The following GATA4 variants were observed in gnomAD, a reference collection of about 807,000 sequenced individuals.
GATA4 encodes transcription factor GATA-4.
GATA4 carries 7 observed loss-of-function variants against 37.9 expected under a neutral mutation model. The observed-to-expected ratio is 0.18, with a 90% confidence interval of 0.11 to 0.35. The LOEUF (loss-of-function observed/expected upper bound fraction) is 0.35, where lower values mean the gene tolerates loss of function less well. GATA4 is among the 10% of genes least tolerant of loss of function. The pLI is 1.00. For missense variants in GATA4, 647 were observed against 653.0 expected (o/e 0.99, Z 0.10); for synonymous variants, 372 against 292.6 (o/e 1.27, Z -2.77).
chr8:11,677,725 T>A (rs955414154), intron 1 of GATA4, among the ~76,000 whole-genome samples: 4 of 152,172 alleles, frequency 2.6e-5, no homozygotes, highest in African/African-American at 4.8e-5. Context: ...TCTTTGCCTA[T>A]TCGCAGATCA....
chr8:11,677,522 A>G (rs1798822099), intron 1 of GATA4, among the ~76,000 whole-genome samples: 2 of 152,160 alleles, frequency 1.3e-5, no homozygotes, highest in Non-Finnish European at 2.9e-5. Context: ...TTCCTCCAGA[A>G]CACCCAAATC....
At chr8:11,711,609 C>G (rs536739850) in intron 2 of GATA4, among the ~76,000 whole-genome samples, 3 of 152,046 alleles carry the variant, frequency 2.0e-5, no homozygotes, top group Non-Finnish European at 4.4e-5. Flanking sequence ...GAGACCCCAT[C>G]CCTACAAATC....
rs1002581303 is a variant in GATA4, at chr8:11,692,703, G to A, written c.-729+43G>A. ...GGGGTGAGGGGTGCGGGGCTGCTCCGTCGGGAGGCTGGGAGGGAGAGCAGG... is the reference window on the plus strand; with the variant it reads ...GGGGTGAGGGGTGCGGGGCTGCTCCATCGGGAGGCTGGGAGGGAGAGCAGG... On this transcript the variant is annotated intron_variant, in intron 1 of 2. Transcript: ENST00000526974. 15 of 984,998 alleles carry A rather than the reference G, an allele frequency of 1.5e-5. No homozygotes were observed. In the South Asian group the frequency reaches 2.3e-4, roughly 15 times the overall value. The allele number at this position is 984,998 out of a possible 1,614,324, so 61.0% of individuals were successfully genotyped here. A position where few individuals can be genotyped will look rare whatever the true frequency, so the allele number is the denominator to read the frequency against.
At chr8:11,695,552 G>A (rs1220943143) in intron 1 of GATA4, among the ~76,000 whole-genome samples, 4 of 152,310 alleles carry the variant, frequency 2.6e-5, no homozygotes, top group East Asian at 3.9e-4. Context: ...GGGCCAAAGC[G>A]TTTCTCTTTC....
chr8:11,719,957 A>C (rs2130136666), intron 2 of GATA4, among the ~76,000 whole-genome samples: 1 of 152,314 alleles, frequency 6.6e-6, no homozygotes, highest in South Asian at 2.1e-4. Context: ...AGGTGCCCCC[A>C]GGACGTGTGA....
intron 2 of GATA4, among the ~76,000 whole-genome samples, chr8:11,729,031 G>T (rs771226830): frequency 2.0e-5 from 3 of 152,016 alleles, no homozygotes; most frequent in Non-Finnish European, 2.9e-5. Flanking sequence ...TCAGGAATTC[G>T]AGACCAGCCG....
At chr8:11,700,098 G>A (rs140760083), upstream of GATA4, among the ~76,000 whole-genome samples, 8 of 152,254 alleles carry the variant, frequency 5.3e-5, no homozygotes, top group East Asian at 1.2e-3. Context: ...CGATAACACC[G>A]TCTTTCCCTT....
At chr8:11,719,402 C>T (rs961880890) in intron 2 of GATA4, among the ~76,000 whole-genome samples, 3 of 152,026 alleles carry the variant, frequency 2.0e-5, no homozygotes, top group African/African-American at 4.8e-5. Flanking sequence ...GTAGTTCCCA[C>T]GGAGTGCACA....
intron 4 of GATA4, 120 bp from the exon 5 acceptor site, chr8:11,754,926 C>T (rs1317132425): frequency 2.6e-6 from 2 of 775,072 alleles, no homozygotes; most frequent in Non-Finnish European, 4.5e-6. Context: ...CCGTCTGGGC[C>T]CCAGGCTTTG....
At chr8:11,743,402 C>G (rs905531524) in intron 2 of GATA4, among the ~76,000 whole-genome samples, 2 of 152,236 alleles carry the variant, frequency 1.3e-5, no homozygotes, top group African/African-American at 4.8e-5. Context: ...TGAGGGTCTT[C>G]CAACACAGGC....
chr8:11,714,241 T>C (rs1800330505), intron 2 of GATA4, among the ~76,000 whole-genome samples: 2 of 152,234 alleles, frequency 1.3e-5, no homozygotes, highest in African/African-American at 2.4e-5. Flanking sequence ...TTAGAGTCGA[T>C]AAAAATAACA....
intron 4 of GATA4, among the ~76,000 whole-genome samples, chr8:11,751,132 G>C (rs935146917): frequency 5.3e-5 from 8 of 152,214 alleles, no homozygotes; most frequent in Middle Eastern, 3.4e-3. Flanking sequence ...AATATTTACT[G>C]TTTGTGCCTG....
intron 2 of GATA4, among the ~76,000 whole-genome samples, chr8:11,740,254 CAGAG>C (rs1196081305): frequency 2.6e-5 from 4 of 152,200 alleles, no homozygotes; most frequent in Non-Finnish European, 5.9e-5. Flanking sequence ...TAGGGAGACA[CAGAG>C]AGGAGGGATC....
chr8:11,739,744 T>C (rs1448921546), intron 2 of GATA4, among the ~76,000 whole-genome samples: 1 of 135,274 alleles, frequency 7.4e-6, no homozygotes, highest in Non-Finnish European at 1.6e-5. Context: ...GCTTCTGTCG[T>C]GTGCGGAGCT....
At chr8:11,712,697 A>T (rs1349216782) in intron 2 of GATA4, among the ~76,000 whole-genome samples, 1 of 150,702 alleles carries the variant, frequency 6.6e-6, no homozygotes, top group Non-Finnish European at 1.5e-5. Context: ...CTCTAAAAAA[A>T]AAAAAAAAAA....
intron 2 of GATA4, among the ~76,000 whole-genome samples, chr8:11,744,522 G>T (rs1024728292): frequency 6.6e-6 from 1 of 152,184 alleles, no homozygotes; most frequent in East Asian, 1.9e-4. Flanking sequence ...AGTGCCTTTC[G>T]TAGGAAGGAA....
intron 4 of GATA4, among the ~76,000 whole-genome samples, chr8:11,750,451 T>C (rs903970427): frequency 2.0e-5 from 3 of 152,216 alleles, no homozygotes; most frequent in African/African-American, 4.8e-5. Flanking sequence ...TACATTTATA[T>C]GTAGCAGTTT....
intron 4 of GATA4, among the ~76,000 whole-genome samples, chr8:11,751,507 C>T (rs1802302257): frequency 6.6e-6 from 1 of 152,106 alleles, no homozygotes; most frequent in South Asian, 2.1e-4. Flanking sequence ...GCTGTGTACC[C>T]CCTTGGTACC....
intron 2 of GATA4, among the ~76,000 whole-genome samples, chr8:11,735,908 T>C (rs1426628853): frequency 1.3e-5 from 2 of 149,530 alleles, no homozygotes; most frequent in African/African-American, 2.6e-5. Context: ...TTTGCCTGTT[T>C]GAAAAAAAAA....
Sources: gnomAD v4.1 joint callset for allele counts (sites outside exome capture counted in the v4.1 genomes callset) on GRCh38, gnomAD v4.1.1 for gene constraint, MANE v1.5 for transcripts, NCBI Gene and HGNC (gene_info 2026-07-23, HGNC 2026-07-21) for gene names.